Variants in KCNH7 observed in about 807,000 individuals in gnomAD.
The protein encoded by KCNH7 is voltage-gated inwardly rectifying potassium channel KCNH7.
KCNH7 carries 49 observed loss-of-function variants against 120.8 expected under a neutral mutation model. That is an observed-to-expected ratio of 0.41 (90% CI 0.32 to 0.51). The LOEUF (loss-of-function observed/expected upper bound fraction) is 0.51, where lower values mean the gene tolerates loss of function less well. Among genes scored for constraint, KCNH7 ranks in the 20% least tolerant of loss-of-function variants. The pLI is 0.38. For missense variants in KCNH7, 1,097 were observed against 1,446.6 expected, an observed-to-expected ratio of 0.76 and a Z score of 3.92; for synonymous variants, 547 against 516.1, an observed-to-expected ratio of 1.06 and a Z score of -0.81.
intron 2 of KCNH7, among the ~76,000 whole-genome samples, chr2:162,619,587 CA>C (rs1386148650): frequency 1.3e-5 from 2 of 151,778 alleles, no homozygotes; most frequent in Non-Finnish European, 2.9e-5. Context: ...AACCTGAAAA[CA>C]AAACAGAAGA....
intron 6 of KCNH7, among the ~76,000 whole-genome samples, chr2:162,451,534 C>G (rs1010756858): frequency 3.9e-5 from 6 of 151,918 alleles, no homozygotes; most frequent in African/African-American, 1.5e-4. Context: ...TTTTTCTTCT[C>G]CACAGAATGT....
intron 2 of KCNH7, among the ~76,000 whole-genome samples, chr2:162,766,580 C>T (rs1288178196): frequency 6.6e-6 from 1 of 152,030 alleles, no homozygotes; most frequent in Non-Finnish European, 1.5e-5. Context: ...TGTTTGATTC[C>T]TATTTATTTT....
At chr2:162,411,649 C>T (rs1395671727) in intron 9 of KCNH7, among the ~76,000 whole-genome samples, 4 of 151,788 alleles carry the variant, frequency 2.6e-5, no homozygotes, top group South Asian at 2.1e-4. Context: ...CAAAAATCTA[C>T]GATCAAGTAG....
rs192828274 is a variant in KCNH7, at chr2:162,395,810, G to A, written c.2613+930C>T. Among the ~76,000 whole-genome samples the A allele has an allele frequency of 7.3e-5, 11 of 151,666 alleles. No individual in the cohort carries two copies. In the East Asian group the frequency reaches 1.6e-3, roughly 22 times the overall value. ...CCTCTTTCTCTTTTAAGCCTCTCAT[G>A]GTACTTGGGAATGTCTATAACTACA... is the stretch of plus-strand genomic sequence containing the variant. On this transcript the variant is annotated intron_variant, in intron 11 of 15. Coordinates refer to ENST00000332142, the MANE Select transcript of KCNH7 (RefSeq NM_033272.4).
chr2:162,550,455 A>C (rs555857756), intron 2 of KCNH7, among the ~76,000 whole-genome samples: 2 of 152,276 alleles, frequency 1.3e-5, no homozygotes, highest in African/African-American at 2.4e-5. Context: ...TTTATTCCCC[A>C]GATTCAAATC....
At chr2:162,513,161 C>A (rs1428182186) in intron 4 of KCNH7, among the ~76,000 whole-genome samples, 1 of 61,696 alleles carries the variant, frequency 1.6e-5, no homozygotes, top group Non-Finnish European at 4.9e-5. Context: ...TCCTCCCTCC[C>A]TCCCTCCCTT....
intron 8 of KCNH7, among the ~76,000 whole-genome samples, chr2:162,434,531 A>T (rs1163515822): frequency 3.3e-5 from 5 of 152,122 alleles, no homozygotes; most frequent in African/African-American, 1.2e-4. Context: ...GTTAATATTA[A>T]AACATCTTTT....
intron 6 of KCNH7, among the ~76,000 whole-genome samples, chr2:162,470,125 C>T (rs1488547814): frequency 6.6e-6 from 1 of 152,120 alleles, no homozygotes; most frequent in Non-Finnish European, 1.5e-5. Context: ...TACCCGGCCG[C>T]CACCCCGTCT....
At chr2:162,444,096 C>A (rs4610069) in intron 7 of KCNH7, among the ~76,000 whole-genome samples, 4,849 of 152,234 alleles carry the variant, frequency 0.032, 273 homozygotes, top group African/African-American at 0.11. Context: ...TCTATCACAT[C>A]CACCTGCTTT....
chr2:162,371,762 A>T lies in KCNH7; in HGVS notation c.*67T>A. The T allele has an allele frequency of 7.0e-7, 1 of 1,427,806 alleles. No individual in the cohort carries two copies. The highest frequency in any genetic ancestry group is 9.6e-7 in the Non-Finnish European group (1 of 1,039,116). 88.4% of individuals were successfully genotyped at this position (1,427,806 alleles called of 1,614,324 possible). A position where few individuals can be genotyped will look rare whatever the true frequency, so the allele number is the denominator to read the frequency against. ...CCCCTGAGTCAAGTAGAGAGGATTTAAATAGAAAAAGGAAAACAGCCATTA... is the reference window on the plus strand; with the variant it reads ...CCCCTGAGTCAAGTAGAGAGGATTTTAATAGAAAAAGGAAAACAGCCATTA... On this transcript the variant is annotated 3_prime_UTR_variant, in exon 16 of 16. Transcript: ENST00000332142.
chr2:162,525,679 G>A (rs1691676844), intron 3 of KCNH7, among the ~76,000 whole-genome samples: 2 of 151,952 alleles, frequency 1.3e-5, no homozygotes, highest in African/African-American at 4.8e-5. Flanking sequence ...TCCTGTGAAA[G>A]TGATAACATC....
intron 2 of KCNH7, among the ~76,000 whole-genome samples, chr2:162,726,187 T>A (rs1404868955): frequency 6.6e-6 from 1 of 152,158 alleles, no homozygotes; most frequent in Non-Finnish European, 1.5e-5. Flanking sequence ...TTTCTTTTTA[T>A]ATATTTTAAA....
chr2:162,611,637 G>A (rs1682967902), intron 2 of KCNH7, among the ~76,000 whole-genome samples: 1 of 152,190 alleles, frequency 6.6e-6, no homozygotes, highest in Non-Finnish European at 1.5e-5. Flanking sequence ...GCTATGGGAA[G>A]AGACGACATT....
chr2:162,648,835 T>C (rs887591352), intron 2 of KCNH7, among the ~76,000 whole-genome samples: 1 of 152,142 alleles, frequency 6.6e-6, no homozygotes, highest in African/African-American at 2.4e-5. Context: ...CTTTAAGAGC[T>C]TACCTAAATT....
chr2:162,727,260 AAC>A (rs1687563812), intron 2 of KCNH7, among the ~76,000 whole-genome samples: 3 of 152,296 alleles, frequency 2.0e-5, no homozygotes, highest in South Asian at 4.1e-4. Flanking sequence ...GCTTATATAA[AAC>A]AGTTTAAGAT....
chr2:162,464,629 G>T (rs1689251385), intron 6 of KCNH7, among the ~76,000 whole-genome samples: 1 of 151,834 alleles, frequency 6.6e-6, no homozygotes. Context: ...TGCCAGTTTT[G>T]TTTAAATACA....
At chr2:162,482,000 T>TATCTATCATCA (rs1689945240) in intron 6 of KCNH7, among the ~76,000 whole-genome samples, 2 of 126,892 alleles carry the variant, frequency 1.6e-5, no homozygotes, top group African/African-American at 5.0e-5. Context: ...ATCATCAATC[T>TATCTATCATCA]ATCTATTATC....
chr2:162,513,217 C>T (rs1481683911), intron 4 of KCNH7, among the ~76,000 whole-genome samples: 1 of 127,348 alleles, frequency 7.9e-6, no homozygotes, highest in East Asian at 2.7e-4. Flanking sequence ...TCCCTTCCCT[C>T]CTTCCCTCCT....
intron 11 of KCNH7, among the ~76,000 whole-genome samples, chr2:162,394,690 C>G (rs1256353474): frequency 3.3e-5 from 5 of 151,846 alleles, no homozygotes; most frequent in Non-Finnish European, 5.9e-5. Context: ...AGTACTTTCA[C>G]CATTTGCTGG....
Sources: gnomAD v4.1 joint callset for allele counts (sites outside exome capture counted in the v4.1 genomes callset) on GRCh38, gnomAD v4.1.1 for gene constraint, MANE v1.5 for transcripts, NCBI Gene and HGNC (gene_info 2026-07-23, HGNC 2026-07-21) for gene names.